Variants in CTNNA3 observed in about 807,000 individuals in gnomAD.
CTNNA3 encodes catenin alpha-3.
CTNNA3 carries 76 observed loss-of-function variants against 95.7 expected under a neutral mutation model. The ratio of observed to expected loss-of-function variants is 0.79; its 90% CI spans 0.66 to 0.96. The LOEUF (loss-of-function observed/expected upper bound fraction) is 0.96, where lower values mean the gene tolerates loss of function less well. Among genes scored for constraint, CTNNA3 ranks in the 40% least tolerant of loss-of-function variants. The pLI, the probability that CTNNA3 is intolerant of heterozygous loss-of-function variation, is 0.00. For missense variants in CTNNA3, 1,191 were observed against 1,089.8 expected, an observed-to-expected ratio of 1.09 and a Z score of -1.31; for synonymous variants, 431 against 374.4, an observed-to-expected ratio of 1.15 and a Z score of -1.74.
At chr10:66,955,899 A>C (rs1316593778) in intron 7 of CTNNA3, among the ~76,000 whole-genome samples, 2 of 152,088 alleles carry the variant, frequency 1.3e-5, no homozygotes, top group Non-Finnish European at 2.9e-5. Flanking sequence ...ATCTTTCTCT[A>C]GTGACGCTAC....
At chr10:66,186,400 A>T (rs1206605316) in intron 13 of CTNNA3, among the ~76,000 whole-genome samples, 1 of 152,080 alleles carries the variant, frequency 6.6e-6, no homozygotes, top group Non-Finnish European at 1.5e-5. Flanking sequence ...TGTCAGTGTT[A>T]TAATTTAAGT....
chr10:67,184,948 A>T (rs1862761817), intron 6 of CTNNA3, among the ~76,000 whole-genome samples: 1 of 152,188 alleles, frequency 6.6e-6, no homozygotes, highest in Non-Finnish European at 1.5e-5. Context: ...GGTGGAAAAA[A>T]TGTTGAAATC....
intron 7 of CTNNA3, among the ~76,000 whole-genome samples, chr10:66,969,512 G>A (rs893574028): frequency 5.9e-5 from 9 of 151,974 alleles, no homozygotes; most frequent in Non-Finnish European, 1.3e-4. Flanking sequence ...TTATTTCCTC[G>A]GGATACATTT....
intron 7 of CTNNA3, among the ~76,000 whole-genome samples, chr10:67,086,223 T>C (rs1271760369): frequency 1.3e-5 from 2 of 151,988 alleles, no homozygotes; most frequent in Non-Finnish European, 1.5e-5. Flanking sequence ...CAATACCTCA[T>C]CCCTATAAAA....
At chr10:66,651,654 G>A (rs996463133) in intron 9 of CTNNA3, among the ~76,000 whole-genome samples, 19 of 152,050 alleles carry the variant, frequency 1.2e-4, no homozygotes, top group African/African-American at 4.3e-4. Context: ...CGCAGTGCCC[G>A]CCGGCCGGCA....
intron 11 of CTNNA3, among the ~76,000 whole-genome samples, chr10:66,458,977 C>A (rs757159713): frequency 2.5e-4 from 38 of 152,110 alleles, no homozygotes; most frequent in Middle Eastern, 3.4e-3. Context: ...CTGCATGAGT[C>A]CACTTATATG....
At chr10:66,806,749 G>GGC (rs1841659572) in intron 7 of CTNNA3, among the ~76,000 whole-genome samples, 1 of 108,298 alleles carries the variant, frequency 9.2e-6, no homozygotes, top group African/African-American at 3.7e-5. Flanking sequence ...TAGAGAATGT[G>GGC]GCATATATGT....
chr10:65,983,012 T>C (rs1195694087), intron 16 of CTNNA3, among the ~76,000 whole-genome samples: 1 of 151,672 alleles, frequency 6.6e-6, no homozygotes, highest in Admixed American at 6.6e-5. Context: ...AAAATATTAA[T>C]ACAAATTATA....
At chr10:67,752,555 A>G (rs1841412935) in intron 1 of CTNNA3, among the ~76,000 whole-genome samples, 1 of 152,234 alleles carries the variant, frequency 6.6e-6, no homozygotes, top group East Asian at 1.9e-4. Flanking sequence ...TGCAGACAAC[A>G]TAATCCTATA....
At chr10:67,553,555 T>C in intron 3 of CTNNA3, among the ~76,000 whole-genome samples, 1 of 152,086 alleles carries the variant, frequency 6.6e-6, no homozygotes, top group Non-Finnish European at 1.5e-5. Context: ...AAACCTGCAT[T>C]TTACTTATTA....
chr10:67,583,597 T>C (rs184934495), intron 3 of CTNNA3, among the ~76,000 whole-genome samples: 314 of 152,306 alleles, frequency 2.1e-3, no homozygotes, highest in Admixed American at 3.8e-3. Flanking sequence ...TGAATTTGAA[T>C]GTTGGCCTGC....
intron 5 of CTNNA3, among the ~76,000 whole-genome samples, chr10:67,367,365 T>TC (rs1843254740): frequency 6.6e-6 from 1 of 151,382 alleles, no homozygotes. Flanking sequence ...AACTATGAGA[T>TC]CCCATCTTAC....
chr10:65,920,334 T>G lies in CTNNA3; in HGVS notation c.2684A>C (p.Tyr895Ser). 6.2e-7 allele frequency: 1 copy of G among 1,613,058 alleles called. No individual in the cohort carries two copies. Among genetic ancestry groups the G allele is most frequent in the Non-Finnish European group, 8.5e-7 (1 of 1,179,560 alleles). Reference protein sequence around the residue: ...VMSEFRGRQIY With the variant: ...VMSEFRGRQIS ...ACTATATGTAGAATAGTGGTTTCAGTAGATTTGTCTTCCTCTAAATTCACT... is the reference window on the plus strand; with the variant it reads ...ACTATATGTAGAATAGTGGTTTCAGGAGATTTGTCTTCCTCTAAATTCACT... The change falls in exon 18 of 18, where the codon TAC (tyrosine) becomes TCC (serine). Residue 895 changes from tyrosine to serine, a missense_variant. By Grantham distance (144) the Tyr-to-Ser change is moderately radical. Transcript: ENST00000433211.
intron 5 of CTNNA3, among the ~76,000 whole-genome samples, chr10:67,302,656 A>G (rs1398668688): frequency 1.3e-5 from 2 of 152,158 alleles, no homozygotes; most frequent in Non-Finnish European, 2.9e-5. Context: ...CTTCATCCCC[A>G]TGTTACCACC....
At chr10:66,626,775 G>C (rs531844608) in intron 9 of CTNNA3, among the ~76,000 whole-genome samples, 2 of 152,068 alleles carry the variant, frequency 1.3e-5, no homozygotes, top group Admixed American at 1.3e-4. Flanking sequence ...CTATTAAAAA[G>C]AAAAGTCCAA....
chr10:67,371,937 G>A (rs994222158), intron 5 of CTNNA3, among the ~76,000 whole-genome samples: 16 of 152,248 alleles, frequency 1.1e-4, no homozygotes, highest in East Asian at 5.8e-4. Context: ...GGTGTGAGAT[G>A]GTATCTCATT....
At chr10:66,275,364 C>G (rs74562241) in intron 13 of CTNNA3, among the ~76,000 whole-genome samples, 40,762 of 151,982 alleles carry the variant, frequency 0.27, 6,079 homozygotes, top group African/African-American at 0.4. Context: ...GCAATCCGCC[C>G]ACCTTGGCCT....
intron 11 of CTNNA3, among the ~76,000 whole-genome samples, chr10:66,519,646 C>T (rs1212024362): frequency 6.6e-6 from 1 of 152,168 alleles, no homozygotes; most frequent in Non-Finnish European, 1.5e-5. Context: ...TGGAAGCCCC[C>T]TTCCCATTTC....
At chr10:67,381,458 A>G (rs1843941845) in intron 5 of CTNNA3, among the ~76,000 whole-genome samples, 2 of 152,166 alleles carry the variant, frequency 1.3e-5, no homozygotes, top group Admixed American at 6.5e-5. Context: ...AAAATGAAAA[A>G]AAAGAAGTTT....
Sources: allele counts gnomAD v4.1 joint callset (sites outside exome capture counted in the v4.1 genomes callset), GRCh38; gene constraint gnomAD v4.1.1; transcripts MANE v1.5; gene names NCBI Gene and HGNC (gene_info 2026-07-23, HGNC 2026-07-21).